Variants in CENPW observed in about 807,000 individuals in gnomAD.
CENPW encodes centromere protein W.
A neutral mutation model predicts 11.1 loss-of-function variants in CENPW; 3 were observed. The ratio of observed to expected loss-of-function variants is 0.27; its 90% CI spans 0.12 to 0.70. CENPW has a LOEUF of 0.70. Among genes scored for constraint, CENPW ranks in the 30% least tolerant of loss-of-function variants. The pLI is 0.77. For synonymous variants in CENPW, 38 were observed against 42.0 expected, an observed-to-expected ratio of 0.91 and a Z score of 0.37; for missense variants, 100 against 105.6, an observed-to-expected ratio of 0.95 and a Z score of 0.23.
At chr6:126,407,568 A>T in the CENPW span, among the ~76,000 whole-genome samples, 1 of 152,032 alleles carries the variant, frequency 6.6e-6, no homozygotes, top group Non-Finnish European at 1.5e-5. Flanking sequence ...TAAAAGCATT[A>T]TTTTTCTCCG....
At chr6:126,370,080 G>T in the CENPW span, among the ~76,000 whole-genome samples, 1 of 152,106 alleles carries the variant, frequency 6.6e-6, no homozygotes, top group African/African-American at 2.4e-5. Context: ...TCAGTTGGTT[G>T]TAAGTATTTG....
chr6:126,426,794 T>C, the CENPW span, among the ~76,000 whole-genome samples: 1 of 152,154 alleles, frequency 6.6e-6, no homozygotes, highest in East Asian at 1.9e-4. Flanking sequence ...GCTTTTGACC[T>C]CCTCCTTGTC....
At chr6:126,453,416 T>G in the CENPW span, among the ~76,000 whole-genome samples, 1 of 151,092 alleles carries the variant, frequency 6.6e-6, no homozygotes, top group Non-Finnish European at 1.5e-5. Context: ...TTGAGAATTC[T>G]TAAGAAATTT....
the CENPW span, among the ~76,000 whole-genome samples, chr6:126,381,844 G>A: frequency 2.0e-5 from 3 of 152,134 alleles, no homozygotes; most frequent in Non-Finnish European, 4.4e-5. Flanking sequence ...CTCAGTACCA[G>A]TCCCCTAAAG....
the CENPW span, among the ~76,000 whole-genome samples, chr6:126,361,329 T>G: frequency 2.0e-5 from 3 of 151,930 alleles, no homozygotes; most frequent in African/African-American, 7.3e-5. Flanking sequence ...TGAGACGGAG[T>G]CTTGCTCTCG....
At chr6:126,459,254 G>A in the CENPW span, among the ~76,000 whole-genome samples, 1 of 151,138 alleles carries the variant, frequency 6.6e-6, no homozygotes, top group Non-Finnish European at 1.5e-5. Flanking sequence ...CTATATTTTA[G>A]ACAATTTGCT....
At chr6:126,388,914 G>A in the CENPW span, among the ~76,000 whole-genome samples, 1 of 151,820 alleles carries the variant, frequency 6.6e-6, no homozygotes, top group East Asian at 1.9e-4. Flanking sequence ...CATAATAGGG[G>A]CTGAAATATC....
the CENPW span, among the ~76,000 whole-genome samples, chr6:126,424,238 C>T: frequency 1.3e-5 from 2 of 152,082 alleles, no homozygotes; most frequent in Admixed American, 1.3e-4. Context: ...GAAGACCACA[C>T]ACAGAGAAAC....
chr6:126,434,703 A>C, the CENPW span, among the ~76,000 whole-genome samples: 1 of 152,020 alleles, frequency 6.6e-6, no homozygotes. Flanking sequence ...CTTCTAGTAA[A>C]ACATTGCTAT....
chr6:126,412,066 C>G, the CENPW span, among the ~76,000 whole-genome samples: 2 of 137,736 alleles, frequency 1.5e-5, no homozygotes, highest in African/African-American at 5.4e-5. Context: ...CTCCCTCCCT[C>G]CCTCCTTTCT....
the CENPW span, among the ~76,000 whole-genome samples, chr6:126,443,312 G>T: frequency 5.3e-5 from 8 of 151,060 alleles, no homozygotes; most frequent in Admixed American, 1.3e-4. Flanking sequence ...TGCGTAATTT[G>T]TCCAGAAGAA....
chr6:126,424,350 A>T, the CENPW span, among the ~76,000 whole-genome samples: 1 of 152,188 alleles, frequency 6.6e-6, no homozygotes, highest in Non-Finnish European at 1.5e-5. Flanking sequence ...TTATTCAGCT[A>T]GTATGATATA....
chr6:126,479,702 A>C, the CENPW span, among the ~76,000 whole-genome samples: 3 of 151,890 alleles, frequency 2.0e-5, no homozygotes, highest in Admixed American at 6.6e-5. Flanking sequence ...TTGGATCTTT[A>C]ATTTCTCTCA....
At chr6:126,410,246 T>G in the CENPW span, among the ~76,000 whole-genome samples, 1 of 152,158 alleles carries the variant, frequency 6.6e-6, no homozygotes, top group Non-Finnish European at 1.5e-5. Context: ...TCCTCATTGT[T>G]GAAGGATGGC....
At chr6:126,366,589 T>A in the CENPW span, among the ~76,000 whole-genome samples, 1 of 152,180 alleles carries the variant, frequency 6.6e-6, no homozygotes, top group Non-Finnish European at 1.5e-5. Flanking sequence ...TTTCTGAATT[T>A]TAAAATATAT....
At chr6:126,372,510 A>T in the CENPW span, among the ~76,000 whole-genome samples, 1 of 152,154 alleles carries the variant, frequency 6.6e-6, no homozygotes, top group Middle Eastern at 3.2e-3. Context: ...TACTTATAAC[A>T]CTTCTGTAAT....
At chr6:126,408,154 A>G in the CENPW span, among the ~76,000 whole-genome samples, 3 of 152,154 alleles carry the variant, frequency 2.0e-5, no homozygotes, top group Non-Finnish European at 2.9e-5. Context: ...AAATTAATAA[A>G]TGGTGCTGGG....
downstream of CENPW, among the ~76,000 whole-genome samples, chr6:126,349,104 A>T (rs1419752248): frequency 6.6e-6 from 1 of 152,070 alleles, no homozygotes; most frequent in Non-Finnish European, 1.5e-5. Flanking sequence ...TTTAATAGAT[A>T]ATTTTTCCCC....
chr6:126,395,367 G>T, the CENPW span, among the ~76,000 whole-genome samples: 3 of 152,076 alleles, frequency 2.0e-5, no homozygotes, highest in African/African-American at 7.2e-5. Flanking sequence ...TTCAGTTCCA[G>T]AATTTCTGCT....
Sources: allele counts gnomAD v4.1 joint callset (sites outside exome capture counted in the v4.1 genomes callset), GRCh38; gene constraint gnomAD v4.1.1; transcripts MANE v1.5; gene names NCBI Gene and HGNC (gene_info 2026-07-23, HGNC 2026-07-21).